CUBN: variants seen among roughly 807,000 people sequenced by gnomAD.
CUBN encodes the protein 460 kDa receptor.
A neutral mutation model predicts 405.3 loss-of-function variants in CUBN; 282 were observed. The observed-to-expected ratio is 0.70, with a 90% CI of 0.63 to 0.77. The LOEUF is 0.77. CUBN is among the 30% of genes least tolerant of loss of function. The pLI is 0.00. For missense variants in CUBN, 4,514 were observed against 4,475.2 expected (o/e 1.01, Z -0.25); for synonymous variants, 1,684 against 1,617.0 (o/e 1.04, Z -0.99).
At chr10:17,076,855 A>C (rs549796205) in intron 17 of CUBN, among the ~76,000 whole-genome samples, 1 of 152,310 alleles carries the variant, frequency 6.6e-6, no homozygotes, top group South Asian at 2.1e-4. Flanking sequence ...ATGGATCCAA[A>C]ACTAACCTGC....
At chr10:16,949,949 T>C in intron 34 of CUBN, 52 bp downstream of exon 34, 1 of 1,349,506 alleles carries the variant, frequency 7.4e-7, no homozygotes, top group Non-Finnish European at 1.1e-6. Flanking sequence ...TGCGGATCTA[T>C]AAATAAAGCA....
At chr10:16,933,797 T>G (rs1316667315) in intron 39 of CUBN, among the ~76,000 whole-genome samples, 1 of 152,190 alleles carries the variant, frequency 6.6e-6, no homozygotes, top group Non-Finnish European at 1.5e-5. Context: ...AAAGCCCCAG[T>G]GGGCATCTCC....
chr10:17,122,548 C>T (rs1290484105), intron 6 of CUBN: 2 of 553,134 alleles, frequency 3.6e-6, no homozygotes, highest in African/African-American at 3.8e-5. Context: ...TCACGGGAGC[C>T]TTCTTCCGGT....
chr10:16,871,711 T>A (rs1588607448), intron 58 of CUBN, among the ~76,000 whole-genome samples: 1 of 152,166 alleles, frequency 6.6e-6, no homozygotes, highest in East Asian at 1.9e-4. Flanking sequence ...AGAGATAAAA[T>A]CTGAGTTTCT....
At chr10:17,119,106 G>T (rs1836972418) in intron 6 of CUBN, among the ~76,000 whole-genome samples, 1 of 152,176 alleles carries the variant, frequency 6.6e-6, no homozygotes, top group African/African-American at 2.4e-5. Context: ...AGTGAAAAAG[G>T]TAATAAGTTT....
chr10:16,871,339 C>G (rs1840347575), intron 58 of CUBN, among the ~76,000 whole-genome samples: 2 of 151,366 alleles, frequency 1.3e-5, no homozygotes, highest in Admixed American at 1.3e-4. Context: ...CATGCCCAGC[C>G]TGCATTTTCA....
At chr10:16,917,517 T>G (rs889908491) in intron 45 of CUBN, among the ~76,000 whole-genome samples, 12 of 152,178 alleles carry the variant, frequency 7.9e-5, no homozygotes, top group African/African-American at 2.9e-4. Context: ...TATCTTGGTG[T>G]ACTGTACTCA....
At chr10:16,969,420 T>C (rs1393580290) in intron 31 of CUBN, among the ~76,000 whole-genome samples, 1 of 152,002 alleles carries the variant, frequency 6.6e-6, no homozygotes. Context: ...AGTGGCACGA[T>C]CTCAGCTCAC....
At chr10:16,918,879 T>G in intron 44 of CUBN, 79 bp from the exon 45 acceptor site, 3 of 1,258,466 alleles carry the variant, frequency 2.4e-6, no homozygotes, top group Non-Finnish European at 3.4e-6. Flanking sequence ...TTACTTTCTT[T>G]GAAGATATTA....
At chr10:16,836,963 A>C (rs1438345238) in intron 62 of CUBN, among the ~76,000 whole-genome samples, 1 of 152,106 alleles carries the variant, frequency 6.6e-6, no homozygotes, top group East Asian at 1.9e-4. Flanking sequence ...TTGGGTAAAA[A>C]CAAGTTGTAC....
rs143350212 is a variant in CUBN at position 16,882,494 on chromosome 10, A to C, written c.8906-5397T>G. On this transcript the variant is annotated intron_variant, in intron 56 of 66. Transcript: ENST00000377833. ...ATTACTGGGCAATGTCTAATTCCAA[A>C]CTTCATCATAGTTCTAAGAACTATG... 5.2e-3 allele frequency among the ~76,000 whole-genome samples: 788 copies of C among 152,342 alleles called. 3 individuals carry two copies. Among genetic ancestry groups the C allele is most frequent in the Non-Finnish European group, 7.1e-3 (486 of 68,042 alleles).
intron 8 of CUBN, among the ~76,000 whole-genome samples, chr10:17,113,375 T>C (rs1836813127): frequency 6.6e-6 from 1 of 152,052 alleles, no homozygotes; most frequent in Non-Finnish European, 1.5e-5. Context: ...GTCTGGCTAA[T>C]TGCCTACCAA....
intron 57 of CUBN, among the ~76,000 whole-genome samples, 159 bp downstream of exon 57, chr10:16,876,738 G>T (rs568804786): frequency 3.3e-5 from 5 of 152,286 alleles, no homozygotes; most frequent in Admixed American, 3.3e-4. Context: ...AAGAAAAAAT[G>T]TGTATATGTA....
intron 58 of CUBN, among the ~76,000 whole-genome samples, chr10:16,872,812 C>G (rs1194284686): frequency 1.3e-5 from 2 of 152,258 alleles, no homozygotes; most frequent in Non-Finnish European, 2.9e-5. Context: ...TGCAGGCATA[C>G]TTCACAGAAC....
At chr10:16,949,881 T>C in intron 34 of CUBN, 120 bp downstream of exon 34, 1 of 775,636 alleles carries the variant, frequency 1.3e-6, no homozygotes, top group South Asian at 1.5e-5. Flanking sequence ...TTATTTGGCT[T>C]AGGCTGCTCT....
chr10:16,874,737 T>C (rs1840451862), intron 57 of CUBN, among the ~76,000 whole-genome samples: 1 of 152,122 alleles, frequency 6.6e-6, no homozygotes. Context: ...ATTTAAAGGC[T>C]CATCTTGGAA....
intron 56 of CUBN, among the ~76,000 whole-genome samples, chr10:16,879,858 T>A (rs531092332): frequency 1.3e-5 from 2 of 152,292 alleles, no homozygotes; most frequent in Non-Finnish European, 2.9e-5. Flanking sequence ...TAGGAATAGA[T>A]GAGCAAAATT....
rs1412365173 is a variant in CUBN, at chr10:16,874,414, A to G, written c.9196T>C (p.Tyr3066His). 4 of 1,614,084 alleles carry G rather than the reference A, an allele frequency of 2.5e-6. No homozygotes were observed. Among genetic ancestry groups the G allele is most frequent in the Non-Finnish European group, 3.4e-6 (4 of 1,179,904 alleles). ...TTGTCGTCACTAACGGTGATGGTAT[A>G]CAGACAGTGCATATCATTTGGGTAG... Reference protein sequence around the residue: ...ADYPNDMHCLYTITVSDDKVI... With the variant: ...ADYPNDMHCLHTITVSDDKVI... Residue 3066 changes from tyrosine to histidine, a missense_variant, in exon 58 of 67, where the codon TAT (tyrosine) becomes CAT (histidine). Physicochemically the swap from Tyr to His is moderately conservative, Grantham distance 83 (BLOSUM62 2). Coordinates refer to ENST00000377833, the MANE Select transcript of CUBN (RefSeq NM_001081.4).
At chr10:17,022,778 A>G (rs926787311) in intron 27 of CUBN, among the ~76,000 whole-genome samples, 1 of 152,214 alleles carries the variant, frequency 6.6e-6, no homozygotes, top group South Asian at 2.1e-4. Context: ...AGTAATTAGC[A>G]AGCAAATGCT....
Sources: gnomAD v4.1 joint callset for allele counts (sites outside exome capture counted in the v4.1 genomes callset) on GRCh38, gnomAD v4.1.1 for gene constraint, MANE v1.5 for transcripts, NCBI Gene and HGNC (gene_info 2026-07-23, HGNC 2026-07-21) for gene names.